The following TNS3 variants were observed in gnomAD, a reference collection of about 807,000 sequenced individuals.
TNS3 encodes the protein tensin 3.
TNS3 carries 45 observed loss-of-function variants against 140.9 expected under a neutral mutation model. The observed-to-expected ratio is 0.32, with a 90% confidence interval of 0.25 to 0.41. The LOEUF is 0.41. Ranked by LOEUF, TNS3 falls within the 10% of genes least tolerant of loss-of-function variation. The pLI is 1.00. For missense variants in TNS3, 1,716 were observed against 1,906.7 expected (o/e 0.90, Z 1.86); for synonymous variants, 815 against 788.4 (o/e 1.03, Z -0.56).
chr7:47,403,646 C>A (rs1793284196), intron 13 of TNS3, among the ~76,000 whole-genome samples: 1 of 152,168 alleles, frequency 6.6e-6, no homozygotes, highest in African/African-American at 2.4e-5. Context: ...TCCTCCTGAC[C>A]AAATCATGAA....
At chr7:47,447,422 A>G (rs1795801812) in intron 4 of TNS3, among the ~76,000 whole-genome samples, 1 of 152,136 alleles carries the variant, frequency 6.6e-6, no homozygotes, top group South Asian at 2.1e-4. Flanking sequence ...CCTTATGGCA[A>G]AGCACACAGG....
intron 1 of TNS3, among the ~76,000 whole-genome samples, chr7:47,578,111 G>A (rs1210145650): frequency 4.6e-5 from 7 of 151,510 alleles, no homozygotes; most frequent in South Asian, 2.1e-4. Flanking sequence ...TCAGGAGTTC[G>A]AGACCAGCCT....
At position 47,435,131 on chromosome 7, in the gene TNS3, G is replaced by A. The variant is rs1584652134; in HGVS notation, c.324+151C>T. 8 of 1,017,196 alleles carry A rather than the reference G, an allele frequency of 7.9e-6. No individual in the cohort carries two copies. In the East Asian group the frequency reaches 2.3e-4, roughly 29 times the overall value. 63.0% of individuals were successfully genotyped at this position (1,017,196 alleles called of 1,614,324 possible). A position where few individuals can be genotyped will look rare whatever the true frequency, so the allele number is the denominator to read the frequency against. On this transcript the variant is annotated intron_variant, in intron 8 of 30. Transcript: ENST00000311160. ...GTGATAACTCTGTTTCCTTCTTTAA[G>A]AGCAAGTAGGAAAACCTAAAGACAA...
rs147637101 is a variant in TNS3 at position 47,396,725 on chromosome 7, A to C, written c.1024+75T>G. Reference sequence around the variant, plus strand: ...TTTTCTTCTTAGCAGACTGCAAAATACTTCAGATATTTGAGTGGGCTGTCT... The same window carrying C: ...TTTTCTTCTTAGCAGACTGCAAAATCCTTCAGATATTTGAGTGGGCTGTCT... On this transcript the variant is annotated intron_variant, in intron 16 of 30. Transcript: ENST00000311160. 43 of 1,260,370 alleles carry C rather than the reference A, an allele frequency of 3.4e-5. No homozygotes were observed. The Admixed American group carries it at 7.1e-4, about 21-fold the overall frequency. 78.1% of individuals were successfully genotyped at this position (1,260,370 alleles called of 1,614,324 possible).
At chr7:47,579,683 T>C (rs4720599) in intron 1 of TNS3, 80,644 of 211,004 alleles carry the variant, frequency 0.38, 16,132 homozygotes, top group Non-Finnish European at 0.43. Context: ...ATGGGGCACA[T>C]AGAGTCAGAG....
At chr7:47,413,375 C>T (rs958530447) in intron 12 of TNS3, among the ~76,000 whole-genome samples, 2 of 150,674 alleles carry the variant, frequency 1.3e-5, no homozygotes, top group Non-Finnish European at 2.9e-5. Flanking sequence ...GCCTCCACCT[C>T]GAGTGGCTGG....
At chr7:47,534,111 T>TA (rs1460016524) in intron 1 of TNS3, among the ~76,000 whole-genome samples, 1 of 151,776 alleles carries the variant, frequency 6.6e-6, no homozygotes, top group East Asian at 1.9e-4. Flanking sequence ...CCGTCTCTAC[T>TA]AAAAATATAA....
At chr7:47,429,148 A>G (rs768692722) in intron 8 of TNS3, among the ~76,000 whole-genome samples, 2 of 152,176 alleles carry the variant, frequency 1.3e-5, no homozygotes, top group African/African-American at 2.4e-5. Flanking sequence ...TTAGTTTTAC[A>G]TTTTCTAACT....
chr7:47,535,819 G>A (rs953818520), intron 1 of TNS3, among the ~76,000 whole-genome samples: 2 of 152,224 alleles, frequency 1.3e-5, no homozygotes, highest in Non-Finnish European at 2.9e-5. Flanking sequence ...AGGTTCTCCC[G>A]GCTAAAGGTC....
At chr7:47,298,792 T>C (rs1000730395) in intron 23 of TNS3, among the ~76,000 whole-genome samples, 5 of 152,206 alleles carry the variant, frequency 3.3e-5, no homozygotes, top group African/African-American at 1.2e-4. Flanking sequence ...ATGAAACGAA[T>C]GGTTTCTTTT....
intron 4 of TNS3, among the ~76,000 whole-genome samples, chr7:47,445,152 C>T (rs79748860): frequency 0.034 from 5,172 of 152,284 alleles, 183 homozygotes; most frequent in African/African-American, 0.095. Flanking sequence ...TCCAAAAACA[C>T]AGACAGCTTG....
chr7:47,516,988 A>G (rs74829050), intron 2 of TNS3, among the ~76,000 whole-genome samples: 45,299 of 152,050 alleles, frequency 0.3, 7,062 homozygotes, highest in East Asian at 0.4. Flanking sequence ...ACTTGAACCC[A>G]GGAGGCGGAG....
chr7:47,468,532 C>T (rs560182887), intron 4 of TNS3, among the ~76,000 whole-genome samples: 3 of 152,230 alleles, frequency 2.0e-5, no homozygotes, highest in Non-Finnish European at 2.9e-5. Flanking sequence ...ATGGCCACTG[C>T]GTTTAAGGGC....
intron 3 of TNS3, among the ~76,000 whole-genome samples, chr7:47,506,474 C>T (rs1018941511): frequency 6.6e-6 from 1 of 151,944 alleles, no homozygotes; most frequent in Non-Finnish European, 1.5e-5. Context: ...CCCAGGTTTC[C>T]GTGGCAGCTG....
At chr7:47,320,137 T>TGACTA (rs1265023135) in intron 20 of TNS3, among the ~76,000 whole-genome samples, 6 of 152,194 alleles carry the variant, frequency 3.9e-5, no homozygotes, top group Non-Finnish European at 8.8e-5. Context: ...TTACTAATAG[T>TGACTA]GACTATCTGC....
rs764452343 is a variant in TNS3 at position 47,278,111 on chromosome 7, A to T, written c.4303T>A (p.Ser1435Thr). Residue 1435 changes from serine to threonine, a missense_variant, in exon 31 of 31, where the codon TCA becomes ACA. Physicochemically the swap from Ser to Thr is moderately conservative, Grantham distance 58 (BLOSUM62 1). Around this residue, in one of 3 missense-constraint regions of TNS3, gnomAD observed 216 missense variants for 295.7 expected, o/e 0.73. Transcript: ENST00000311160. ...TTTGGGGAACCAATCATGACCTTTG[A>T]TACGAAGTTGACAATGGCACTGGCA... ...QPASAIVNFV[S>T]KVMIGSPKKV 8 of 1,614,008 alleles carry T rather than the reference A, an allele frequency of 5.0e-6. No individual in the cohort carries two copies. In the South Asian group the frequency reaches 7.7e-5, roughly 16 times the overall value.
chr7:47,554,791 G>A (rs1004573002), intron 1 of TNS3, among the ~76,000 whole-genome samples: 3 of 152,216 alleles, frequency 2.0e-5, no homozygotes, highest in African/African-American at 7.2e-5. Flanking sequence ...AGCATTTTGG[G>A]AGGCTGAGGC....
intron 4 of TNS3, among the ~76,000 whole-genome samples, chr7:47,444,464 A>C (rs1337779801): frequency 2.6e-5 from 4 of 152,240 alleles, no homozygotes; most frequent in Admixed American, 1.3e-4. Flanking sequence ...CTCACATGAC[A>C]CATCATTCCA....
intron 16 of TNS3, among the ~76,000 whole-genome samples, chr7:47,390,289 C>A (rs146928044): frequency 6.6e-6 from 1 of 152,208 alleles, no homozygotes; most frequent in Non-Finnish European, 1.5e-5. Flanking sequence ...GTTTTCAAAT[C>A]CATTTTCAAA....
Sources: gnomAD v4.1 joint callset for allele counts (sites outside exome capture counted in the v4.1 genomes callset) on GRCh38, gnomAD v4.1.1 for gene constraint, gnomAD v4.1.1 regional missense constraint, MANE v1.5 for transcripts, NCBI Gene and HGNC (gene_info 2026-07-23, HGNC 2026-07-21) for gene names.